Variants in PUM2 observed in about 807,000 individuals in gnomAD.
PUM2 encodes the protein pumilio homolog 2.
Under a neutral mutation model 124.5 loss-of-function variants are expected in PUM2, and 57 were observed. That is an observed-to-expected ratio of 0.46 (90% CI 0.37 to 0.57). The LOEUF is 0.57. Among genes scored for constraint, PUM2 ranks in the 20% least tolerant of loss-of-function variants. The pLI is 0.00. For missense variants in PUM2, 1,065 were observed against 1,290.6 expected, an observed-to-expected ratio of 0.83 and a Z score of 2.68; for synonymous variants, 460 against 446.1, an observed-to-expected ratio of 1.03 and a Z score of -0.39.
chr2:20,287,176 G>A (rs973095899), intron 10 of PUM2, among the ~76,000 whole-genome samples: 1 of 152,192 alleles, frequency 6.6e-6, no homozygotes, highest in African/African-American at 2.4e-5. Flanking sequence ...TCCCTTCAGA[G>A]AAACAAAACT....
chr2:20,308,496 G>T lies in PUM2; in HGVS notation c.607C>A (p.Leu203Ile). 1 of 1,614,138 alleles carries T rather than the reference G, an allele frequency of 6.2e-7. No homozygotes were observed. The highest frequency in any genetic ancestry group is 8.5e-7 in the Non-Finnish European group (1 of 1,179,984). The change falls in exon 6 of 21, where the codon CTT (leucine) becomes ATT (isoleucine). Residue 203 changes from leucine to isoleucine, a missense_variant. By Grantham distance (5) the Leu-to-Ile change is conservative. Around this residue, in one of 3 missense-constraint regions of PUM2, gnomAD observed 968 missense variants for 1,159.8 expected, o/e 0.83. Transcript: ENST00000361078. ...NTNPSEGLGP[L>I]PNPTANKPLV... Reference sequence around the variant, plus strand: ...GGTTTATTAGCTGTAGGATTAGGAAGAGGCCCCAGTCCTTCTGAGGGATTA... The same window carrying T: ...GGTTTATTAGCTGTAGGATTAGGAATAGGCCCCAGTCCTTCTGAGGGATTA...
At chr2:20,283,900 C>T (rs1233635387) in intron 10 of PUM2, among the ~76,000 whole-genome samples, 2 of 152,144 alleles carry the variant, frequency 1.3e-5, no homozygotes, top group African/African-American at 4.8e-5. Flanking sequence ...AAATCAAGTG[C>T]CTCATTACCA....
In PUM2 at chr2:20,260,364, G is replaced by A. The variant is rs771888602; in HGVS notation, c.2328C>T (p.Gly776=). The A allele has an allele frequency of 2.5e-6, 4 of 1,611,732 alleles. No homozygotes were observed. The Admixed American group carries it at 6.7e-5, about 27-fold the overall frequency. ...AAYQLMTDVF[G]NYVIQKFFEF... ...CAAAAAACTTCTGTATAACATAGTT[G>A]CCAAAAACATCAGTCATTAATTGAT... The change falls in exon 15 of 21, where the codon GGC becomes GGT. Residue 776 remains glycine, a synonymous_variant. Transcript: ENST00000361078.
chr2:20,309,427 A>AT (rs1224748614), intron 5 of PUM2, among the ~76,000 whole-genome samples: 1 of 151,500 alleles, frequency 6.6e-6, no homozygotes, highest in African/African-American at 2.4e-5. Context: ...ATCTTTCTAC[A>AT]TTAAAAAAAA....
At chr2:20,316,150 T>A (rs1680890297) in intron 3 of PUM2, among the ~76,000 whole-genome samples, 1 of 152,230 alleles carries the variant, frequency 6.6e-6, no homozygotes, top group African/African-American at 2.4e-5. Flanking sequence ...GCATATTATG[T>A]ATCACATATT....
At chr2:20,334,100 T>A (rs1314192555) in intron 1 of PUM2, among the ~76,000 whole-genome samples, 1 of 152,100 alleles carries the variant, frequency 6.6e-6, no homozygotes, top group Non-Finnish European at 1.5e-5. Flanking sequence ...CTTTCTAAAT[T>A]ACCCAGTCTC....
intron 8 of PUM2, among the ~76,000 whole-genome samples, 158 bp downstream of exon 8, chr2:20,297,395 A>G (rs951115893): frequency 2.0e-5 from 3 of 152,234 alleles, no homozygotes; most frequent in Non-Finnish European, 4.4e-5. Context: ...ACAGTTGAAA[A>G]ATAGTACTAA....
intron 10 of PUM2, among the ~76,000 whole-genome samples, chr2:20,287,841 TAGAG>T (rs751062344): frequency 1.4e-4 from 21 of 152,210 alleles, no homozygotes; most frequent in Non-Finnish European, 2.6e-4. Flanking sequence ...TTTCTAGTTC[TAGAG>T]AAAGTAAAGT....
In PUM2 at chr2:20,263,332, G is replaced by A. The variant is rs1384280172; in HGVS notation, c.2086C>T (p.Arg696Trp). ...SSQLFPPSRL[R>W]YNRSDIMPSG... ...GGCATAATATCAGACCTATTATACC[G>A]AAGCCGGGAAGGAGGAAAGAGCTGG... The change falls in exon 14 of 21, where the codon CGG becomes TGG. Residue 696 changes from arginine to tryptophan, a missense_variant. Physicochemically the swap from Arg to Trp is moderately radical, Grantham distance 101. This residue lies in a region of PUM2 where 968 missense variants were observed against 1,159.8 expected (regional missense o/e 0.83). Transcript: ENST00000361078. The A allele has an allele frequency of 3.1e-6, 5 of 1,614,128 alleles. No homozygotes were observed. The highest frequency in any genetic ancestry group is 1.1e-5 in the South Asian group (1 of 91,086).
At chr2:20,317,466 G>A (rs1340859970) in intron 3 of PUM2, among the ~76,000 whole-genome samples, 4 of 152,100 alleles carry the variant, frequency 2.6e-5, no homozygotes, top group Non-Finnish European at 5.9e-5. Context: ...AATCAGTCAC[G>A]ATCACCTAGT....
intron 14 of PUM2, 102 bp downstream of exon 14, chr2:20,263,091 G>C (rs3796066): frequency 0.32 from 369,249 of 1,154,748 alleles, 61,393 homozygotes; most frequent in Middle Eastern, 0.38. Context: ...GCTCTTAAAA[G>C]CTTCCAACTT....
chr2:20,253,841 C>T lies in PUM2; in HGVS notation c.3044G>A (p.Arg1015Lys), dbSNP rs1482771933. Reference protein sequence around the residue: ...KMIDMAEPAQRKIIMHKIRPH... With the variant: ...KMIDMAEPAQKKIIMHKIRPH... ...TATTACCTTGTGCATGATTATCTTTCTCTGAGCAGGTTCAGCCATATCAAT... is the reference window on the plus strand; with the variant it reads ...TATTACCTTGTGCATGATTATCTTTTTCTGAGCAGGTTCAGCCATATCAAT... The change falls in exon 20 of 21, where the codon AGA becomes AAA. Residue 1015 changes from arginine (R) to lysine (K), a missense_variant. Arg to Lys is a conservative substitution (Grantham distance 26). Around this residue, in one of 3 missense-constraint regions of PUM2, gnomAD observed 968 missense variants for 1,159.8 expected, o/e 0.83. Transcript: ENST00000361078. 1 of 1,612,802 alleles carries T rather than the reference C, an allele frequency of 6.2e-7. No homozygotes were observed. Among genetic ancestry groups the T allele is most frequent in the Admixed American group, 1.7e-5 (1 of 59,856 alleles).
At chr2:20,263,550 G>C in intron 13 of PUM2, 90 bp from the exon 14 acceptor site, 1 of 1,403,146 alleles carries the variant, frequency 7.1e-7, no homozygotes, top group Non-Finnish European at 9.7e-7. Flanking sequence ...AGTCAATAAA[G>C]AAATATTTCC....
intron 1 of PUM2, among the ~76,000 whole-genome samples, chr2:20,336,007 G>A (rs982352608): frequency 1.3e-5 from 2 of 152,006 alleles, no homozygotes; most frequent in Admixed American, 1.3e-4. Context: ...CTGAAGAAAA[G>A]TTGCCTTATT....
Position 20,287,572 on chromosome 2 carries a change from A to G in PUM2, c.1291+3080T>C, listed in dbSNP as rs1437186406. Among the ~76,000 whole-genome samples the G allele has an allele frequency of 2.6e-5, 4 of 152,200 alleles. No homozygotes were observed. The East Asian group carries it at 7.7e-4, about 29-fold the overall frequency. On this transcript the variant is annotated intron_variant, in intron 10 of 20. Coordinates refer to ENST00000361078, the MANE Select transcript of PUM2 (RefSeq NM_015317.5). ...GCATGGTATGTTTGGGTAACAGTAT[A>G]TGGTCTAGTGCATTAAAGCACAGGA...
intron 13 of PUM2, among the ~76,000 whole-genome samples, chr2:20,274,053 C>G (rs1023649570): frequency 6.6e-6 from 1 of 152,094 alleles, no homozygotes; most frequent in East Asian, 1.9e-4. Context: ...AATAGTATCA[C>G]GAGTCAGAAC....
intron 7 of PUM2, among the ~76,000 whole-genome samples, chr2:20,301,667 A>G (rs1457426757): frequency 6.6e-6 from 1 of 152,000 alleles, no homozygotes; most frequent in Non-Finnish European, 1.5e-5. Flanking sequence ...GGCTAATTTC[A>G]GCCTTCACCT....
intron 7 of PUM2, among the ~76,000 whole-genome samples, chr2:20,303,520 G>A (rs1677502383): frequency 6.6e-6 from 1 of 151,508 alleles, no homozygotes; most frequent in South Asian, 2.1e-4. Context: ...TTAATTTAGG[G>A]AGAACTGACA....
At chr2:20,349,095 T>C (rs1484451794) in intron 1 of PUM2, among the ~76,000 whole-genome samples, 1 of 152,242 alleles carries the variant, frequency 6.6e-6, no homozygotes, top group Non-Finnish European at 1.5e-5. Flanking sequence ...TAGGCTCTTT[T>C]AAAAAGTTGA....
Sources: allele counts gnomAD v4.1 joint callset (sites outside exome capture counted in the v4.1 genomes callset), GRCh38; gene constraint gnomAD v4.1.1; regional missense constraint gnomAD v4.1.1; transcripts MANE v1.5; gene names NCBI Gene and HGNC (gene_info 2026-07-23, HGNC 2026-07-21).